The following ACTR5 variants were observed in gnomAD, a reference collection of about 807,000 sequenced individuals.
ACTR5 encodes actin-related protein 5.
ACTR5 carries 43 observed loss-of-function variants against 61.2 expected under a neutral mutation model. The ratio of observed to expected loss-of-function variants is 0.70; its 90% CI spans 0.55 to 0.91. ACTR5 has a LOEUF of 0.91. ACTR5 is among the 40% of genes least tolerant of loss of function. The pLI, the probability that ACTR5 is intolerant of heterozygous loss-of-function variation, is 0.00. For missense variants in ACTR5, 798 were observed against 782.2 expected (o/e 1.02, Z -0.24); for synonymous variants, 333 against 310.5 (o/e 1.07, Z -0.76).
chr20:38,772,102 A>T lies in ACTR5; in HGVS notation c.*286A>T. 2.3e-6 allele frequency: 1 copy of T among 439,674 alleles called. No individual in the cohort carries two copies. The highest frequency in any genetic ancestry group is 3.8e-5 in the East Asian group (1 of 26,426). The allele number at this position is 439,674 out of a possible 1,614,324, so 27.2% of individuals were successfully genotyped here. A position where few individuals can be genotyped will look rare whatever the true frequency, so the allele number is the denominator to read the frequency against. ...TTCCTGGAGCAGTAAATGAAGACAG[A>T]GTGGAGGACACAAATGTACAAAATG... is the stretch of plus-strand genomic sequence containing the variant. On this transcript the variant is annotated 3_prime_UTR_variant, in exon 9 of 9. Coordinates refer to ENST00000243903, the MANE Select transcript of ACTR5 (RefSeq NM_024855.4).
At chr20:38,765,224 T>C (rs2084478857) in intron 5 of ACTR5, among the ~76,000 whole-genome samples, 178 bp from the exon 6 acceptor site, 1 of 152,258 alleles carries the variant, frequency 6.6e-6, no homozygotes, top group African/African-American at 2.4e-5. Flanking sequence ...CGTTCCTGGC[T>C]TTTTAGTCTT....
Position 38,760,450 on chromosome 20 carries a change from G to A in ACTR5, c.1176+4411G>A, listed in dbSNP as rs188650463. Among the ~76,000 whole-genome samples the A allele has an allele frequency of 3.9e-5, 6 of 152,280 alleles. No homozygotes were observed. The East Asian group carries it at 1.2e-3, about 30-fold the overall frequency. On this transcript the variant is annotated intron_variant, in intron 5 of 8. Transcript: ENST00000243903. The stretch of plus-strand genomic sequence containing the variant: ...CAGTTAGGATGATGGGTTGAAGGGA[G>A]GGGTGAGACTGCAGGTGGGAAAACA...
chr20:38,751,994 T>C, intron 2 of ACTR5, 137 bp from the exon 3 acceptor site: 4 of 991,188 alleles, frequency 4.0e-6, no homozygotes, highest in Non-Finnish European at 5.8e-6. Context: ...CAACGTCCCT[T>C]CTGACTATCA....
chr20:38,767,660 GTAA>G (rs1383690627), intron 8 of ACTR5, 64 bp downstream of exon 8: 1 of 1,522,316 alleles, frequency 6.6e-7, no homozygotes, highest in Non-Finnish European at 8.9e-7. Flanking sequence ...GATTGCAAAA[GTAA>G]TAATCATGCA....
At chr20:38,748,894 G>A in intron 1 of ACTR5, 41 bp downstream of exon 1, 1 of 1,563,270 alleles carries the variant, frequency 6.4e-7, no homozygotes, top group Non-Finnish European at 8.7e-7. Flanking sequence ...GGTTTGAGGG[G>A]AGGGGTGCGG....
At position 38,771,638 on chromosome 20, in the gene ACTR5, A is replaced by C; in HGVS notation, c.1646A>C (p.Glu549Ala). Residue 549 changes from glutamate to alanine, a missense_variant, in exon 9 of 9, where the codon GAA becomes GCA. Coordinates refer to ENST00000243903, the MANE Select transcript of ACTR5 (RefSeq NM_024855.4). Reference sequence around the variant, plus strand: ...GCCTTGAACCACCTAGATGATAATGAAGTTTGGATCACCAGGAAAGAGTAT... The same window carrying C: ...GCCTTGAACCACCTAGATGATAATGCAGTTTGGATCACCAGGAAAGAGTAT... ...DWALNHLDDN[E>A]VWITRKEYEE... 1 of 1,614,100 alleles carries C rather than the reference A, an allele frequency of 6.2e-7. No individual in the cohort carries two copies. Among genetic ancestry groups the C allele is most frequent in the Non-Finnish European group, 8.5e-7 (1 of 1,180,018 alleles).
At chr20:38,756,952 G>T (rs1464405298) in intron 5 of ACTR5, among the ~76,000 whole-genome samples, 2 of 152,116 alleles carry the variant, frequency 1.3e-5, no homozygotes, top group Admixed American at 6.5e-5. Flanking sequence ...TTGAGACAGG[G>T]TCTCACTTTG....
intron 5 of ACTR5, among the ~76,000 whole-genome samples, chr20:38,761,092 T>A (rs1223757045): frequency 6.6e-6 from 1 of 152,100 alleles, no homozygotes; most frequent in Non-Finnish European, 1.5e-5. Flanking sequence ...ACTTTTTGCT[T>A]TTTAATTTTT....
At chr20:38,752,034 C>T in intron 2 of ACTR5, 97 bp from the exon 3 acceptor site, 2 of 1,378,380 alleles carry the variant, frequency 1.5e-6, no homozygotes, top group Non-Finnish European at 2.0e-6. Context: ...TGGTCTGTTT[C>T]TTCTTTATCT....
At chr20:38,752,401 C>T in intron 3 of ACTR5, 101 bp downstream of exon 3, 1 of 1,283,326 alleles carries the variant, frequency 7.8e-7, no homozygotes, top group South Asian at 1.7e-5. Flanking sequence ...TTTTTAAGCA[C>T]CTCCTTCCCC....
intron 3 of ACTR5, among the ~76,000 whole-genome samples, chr20:38,753,973 A>G (rs1413766034): frequency 6.6e-6 from 1 of 151,358 alleles, no homozygotes; most frequent in African/African-American, 2.4e-5. Flanking sequence ...AGTAAACACA[A>G]CTTTTCACAG....
intron 7 of ACTR5, among the ~76,000 whole-genome samples, chr20:38,766,723 C>T (rs559283890): frequency 6.6e-6 from 1 of 152,242 alleles, no homozygotes; most frequent in African/African-American, 2.4e-5. Context: ...TATTGCAGAG[C>T]TAATAAAATT....
In ACTR5 at chr20:38,772,374, C is replaced by T. The variant is rs1356352405; in HGVS notation, c.*558C>T. On this transcript the variant is annotated 3_prime_UTR_variant, in exon 9 of 9. Transcript: ENST00000243903. ...GGAGGATCGCTGGAGCTTAGGAGTT[C>T]GAGGCTATCGTGTGCTGTGATCGCA... 6.3e-6 allele frequency: 1 copy of T among 159,200 alleles called. No individual in the cohort carries two copies. The highest frequency in any genetic ancestry group is 6.0e-5 in the Admixed American group (1 of 16,742). The allele number at this position is 159,200 out of a possible 1,614,324, so 9.9% of individuals were successfully genotyped here. A position where few individuals can be genotyped will look rare whatever the true frequency, so the allele number is the denominator to read the frequency against.
intron 1 of ACTR5, among the ~76,000 whole-genome samples, chr20:38,749,771 T>TA (rs1465686113): frequency 1.3e-5 from 2 of 152,322 alleles, no homozygotes; most frequent in Admixed American, 6.5e-5. Flanking sequence ...ACTTTGAAGA[T>TA]AGAGCCAACA....
At position 38,754,958 on chromosome 20, in the gene ACTR5, A is replaced by G. The variant is rs1601195810; in HGVS notation, c.777A>G (p.Glu259=). Residue 259 remains glutamate (E), a splice_region_variant and synonymous_variant, in exon 4 of 9, where the codon GAA becomes GAG. Transcript: ENST00000243903. ...HSYIAEDYVE[E]LHKWRCPDYY... Reference sequence around the variant, plus strand: ...ACTTTCAAAATTGTTTCTTTGAAGAATTACACAAATGGCGGTGTCCTGATT... The same window carrying G: ...ACTTTCAAAATTGTTTCTTTGAAGAGTTACACAAATGGCGGTGTCCTGATT... 6.2e-7 allele frequency: 1 copy of G among 1,613,204 alleles called. No individual in the cohort carries two copies. The highest frequency in any genetic ancestry group is 8.5e-7 in the Non-Finnish European group (1 of 1,179,782).
chr20:38,753,166 C>T (rs780172883), intron 3 of ACTR5, among the ~76,000 whole-genome samples: 3 of 152,130 alleles, frequency 2.0e-5, no homozygotes, highest in Admixed American at 2.0e-4. Flanking sequence ...GCTCTCCGTG[C>T]TCCCACTTCT....
At chr20:38,749,616 G>C (rs1369727173) in intron 1 of ACTR5, among the ~76,000 whole-genome samples, 5 of 152,204 alleles carry the variant, frequency 3.3e-5, no homozygotes, top group Non-Finnish European at 7.3e-5. Flanking sequence ...TATTACTGCT[G>C]TATGGAGAAT....
chr20:38,755,784 C>T, intron 4 of ACTR5, 73 bp from the exon 5 acceptor site: 1 of 1,573,130 alleles, frequency 6.4e-7, no homozygotes, highest in South Asian at 1.1e-5. Flanking sequence ...TCTGGAAGCC[C>T]TCTCCAGCTG....
At chr20:38,749,302 G>A (rs2084372284) in intron 1 of ACTR5, among the ~76,000 whole-genome samples, 1 of 152,222 alleles carries the variant, frequency 6.6e-6, no homozygotes, top group South Asian at 2.1e-4. Context: ...GGTAGGACTC[G>A]TGAAGGTGAT....
Sources: gnomAD v4.1 joint callset for allele counts (sites outside exome capture counted in the v4.1 genomes callset) on GRCh38, gnomAD v4.1.1 for gene constraint, MANE v1.5 for transcripts, NCBI Gene and HGNC (gene_info 2026-07-23, HGNC 2026-07-21) for gene names.